TMEM178B: variants seen among roughly 807,000 people sequenced by gnomAD.
TMEM178B encodes the protein transmembrane protein 178B.
A neutral mutation model predicts 31.0 loss-of-function variants in TMEM178B; 5 were observed. The ratio of observed to expected loss-of-function variants is 0.16; its 90% CI spans 0.08 to 0.34. The LOEUF (loss-of-function observed/expected upper bound fraction) is 0.34, where lower values mean the gene tolerates loss of function less well. TMEM178B is among the 10% of genes least tolerant of loss of function. The probability of loss-of-function intolerance (pLI) is 1.00; values close to 1 mark genes in which losing one functional copy is unlikely to be tolerated. For missense variants in TMEM178B, 275 were observed against 400.3 expected (o/e 0.69, Z 2.67); for synonymous variants, 164 against 164.0 (o/e 1.00, Z 0.00).
chr7:141,459,887 G>A (rs376281820), intron 3 of TMEM178B, among the ~76,000 whole-genome samples: 2 of 151,344 alleles, frequency 1.3e-5, no homozygotes, highest in East Asian at 3.9e-4. Flanking sequence ...AGAACAAATG[G>A]ATTGAAGGGA....
At chr7:141,468,629 C>T (rs1430574467) in intron 3 of TMEM178B, among the ~76,000 whole-genome samples, 4 of 152,188 alleles carry the variant, frequency 2.6e-5, no homozygotes, top group African/African-American at 4.8e-5. Flanking sequence ...GGTTTTAGTA[C>T]ATGCCACAAA....
Position 141,156,435 on chromosome 7 carries a change from C to A in TMEM178B, c.383-56156C>A. Among the ~76,000 whole-genome samples, 3 of 152,266 alleles carry A rather than the reference C, an allele frequency of 2.0e-5. No individual in the cohort carries two copies. The East Asian group carries it at 5.8e-4, about 29-fold the overall frequency. ...CATGCAAAGTCCCTTGGGAAAAAAG[C>A]GGTTATTTTTGAGTACCATAGAGCC... On this transcript the variant is annotated intron_variant, in intron 1 of 3. Coordinates refer to ENST00000565468, the MANE Select transcript of TMEM178B (RefSeq NM_001195278.2).
chr7:141,288,832 T>C (rs1229705102), intron 2 of TMEM178B, among the ~76,000 whole-genome samples: 1 of 152,210 alleles, frequency 6.6e-6, no homozygotes, highest in Non-Finnish European at 1.5e-5. Context: ...TGCGTTCTGC[T>C]CCAGTGCTTT....
intron 2 of TMEM178B, among the ~76,000 whole-genome samples, chr7:141,329,027 A>G (rs1364186536): frequency 1.3e-5 from 2 of 152,056 alleles, no homozygotes; most frequent in Non-Finnish European, 2.9e-5. Context: ...CCCCCAGTCT[A>G]TAATGTCTTT....
At chr7:141,401,597 A>AT (rs926035369) in intron 2 of TMEM178B, among the ~76,000 whole-genome samples, 2 of 151,234 alleles carry the variant, frequency 1.3e-5, no homozygotes, top group African/African-American at 2.4e-5. Flanking sequence ...TTATTTTTTT[A>AT]TTTTTTTAGA....
At chr7:141,251,146 T>G (rs906485019) in intron 2 of TMEM178B, among the ~76,000 whole-genome samples, 15 of 151,960 alleles carry the variant, frequency 9.9e-5, no homozygotes, top group African/African-American at 3.6e-4. Flanking sequence ...GAGAACTCCT[T>G]CATCTCAAGA....
Position 141,478,070 on chromosome 7 carries a change from A to C in TMEM178B, c.*7284A>C, listed in dbSNP as rs901577897. On this transcript the variant is annotated 3_prime_UTR_variant, in exon 4 of 4. Coordinates refer to ENST00000565468, the MANE Select transcript of TMEM178B (RefSeq NM_001195278.2). ...CCATATAAATGTGGCTTGCAGTGTC[A>C]GAAGCAGGGAGTCTGGCCAAGGGTT... The C allele has an allele frequency of 6.5e-6, 1 of 152,756 alleles. No individual in the cohort carries two copies. Among genetic ancestry groups the C allele is most frequent in the Non-Finnish European group, 1.5e-5 (1 of 68,196 alleles). The allele number at this position is 152,756 out of a possible 1,614,324, so 9.5% of individuals were successfully genotyped here.
intron 1 of TMEM178B, among the ~76,000 whole-genome samples, chr7:141,176,017 G>T (rs1299549651): frequency 6.6e-6 from 1 of 152,090 alleles, no homozygotes; most frequent in Non-Finnish European, 1.5e-5. Flanking sequence ...GGTGAGAGAG[G>T]GCATCCTTGT....
intron 1 of TMEM178B, among the ~76,000 whole-genome samples, chr7:141,107,020 A>G (rs925243794): frequency 2.6e-5 from 4 of 152,214 alleles, no homozygotes; most frequent in African/African-American, 9.6e-5. Context: ...GCAATTTCAA[A>G]TAGACTGGAC....
intron 3 of TMEM178B, among the ~76,000 whole-genome samples, chr7:141,457,756 A>C (rs1405793356): frequency 6.6e-6 from 1 of 152,262 alleles, no homozygotes; most frequent in Non-Finnish European, 1.5e-5. Flanking sequence ...TCTTTGTAAT[A>C]CTGAAAAACA....
chr7:141,272,042 C>G (rs1015830331), intron 2 of TMEM178B, among the ~76,000 whole-genome samples: 2 of 152,182 alleles, frequency 1.3e-5, no homozygotes, highest in Non-Finnish European at 2.9e-5. Flanking sequence ...GTCCTACCCC[C>G]TCTTTGGACA....
rs147682526 is a variant in TMEM178B at position 141,202,820 on chromosome 7, C to T, written c.383-9771C>T. Among the ~76,000 whole-genome samples, 569 of 152,132 alleles carry T rather than the reference C, an allele frequency of 3.7e-3. 2 individuals are homozygous for T. Among genetic ancestry groups the T allele is most frequent in the Non-Finnish European group, 5.7e-3 (386 of 68,006 alleles). On this transcript the variant is annotated intron_variant, in intron 1 of 3. Transcript: ENST00000565468. ...TAGGGAGAGCTCCTGTCAACATTGC[C>T]GGTCTTGGTGGAGGTTGCCAAGGGT...
chr7:141,315,641 A>AT (rs1178162285), intron 2 of TMEM178B, among the ~76,000 whole-genome samples: 1 of 151,996 alleles, frequency 6.6e-6, no homozygotes, highest in Non-Finnish European at 1.5e-5. Flanking sequence ...TTGGATTTAG[A>AT]TTTTTTTCCC....
chr7:141,320,162 C>T (rs557261699), intron 2 of TMEM178B, among the ~76,000 whole-genome samples: 8 of 152,274 alleles, frequency 5.3e-5, no homozygotes, highest in African/African-American at 1.9e-4. Flanking sequence ...CTTGCTTCCC[C>T]TCTGTCTTCC....
intron 1 of TMEM178B, among the ~76,000 whole-genome samples, chr7:141,159,677 G>T (rs144720452): frequency 2.6e-5 from 4 of 152,200 alleles, no homozygotes; most frequent in African/African-American, 9.6e-5. Flanking sequence ...AGGACATCAT[G>T]CCAAGCGAAG....
intron 2 of TMEM178B, among the ~76,000 whole-genome samples, chr7:141,250,379 C>T (rs2116336267): frequency 6.6e-6 from 1 of 152,326 alleles, no homozygotes; most frequent in East Asian, 1.9e-4. Context: ...CAAAGTCACA[C>T]AGCTAGTGAG....
chr7:141,256,364 G>A (rs111230505), intron 2 of TMEM178B, among the ~76,000 whole-genome samples: 2,031 of 152,282 alleles, frequency 0.013, 33 homozygotes, highest in East Asian at 0.041. Context: ...TACATTTAAT[G>A]GGAAAACCAA....
At chr7:141,205,545 T>G (rs1796949332) in intron 1 of TMEM178B, among the ~76,000 whole-genome samples, 1 of 152,240 alleles carries the variant, frequency 6.6e-6, no homozygotes, top group South Asian at 2.1e-4. Flanking sequence ...GAAGGGGATC[T>G]GGGATCTCAG....
intron 1 of TMEM178B, among the ~76,000 whole-genome samples, chr7:141,146,581 A>G (rs1386879169): frequency 6.6e-6 from 1 of 152,216 alleles, no homozygotes; most frequent in African/African-American, 2.4e-5. Context: ...AAGAGTTAGT[A>G]CAAGCACAAC....
Sources: gnomAD v4.1 joint callset for allele counts (sites outside exome capture counted in the v4.1 genomes callset) on GRCh38, gnomAD v4.1.1 for gene constraint, MANE v1.5 for transcripts, NCBI Gene and HGNC (gene_info 2026-07-23, HGNC 2026-07-21) for gene names.